The following PTER variants were observed in gnomAD, a reference collection of about 807,000 sequenced individuals.
PTER encodes the protein N-acetyltaurine hydrolase.
PTER carries 38 observed loss-of-function variants against 29.6 expected under a neutral mutation model. The ratio of observed to expected loss-of-function variants is 1.28; its 90% CI spans 0.99 to 1.68. The LOEUF (loss-of-function observed/expected upper bound fraction) is 1.68, where lower values mean the gene tolerates loss of function less well. PTER is among the 40% of genes most tolerant of loss of function. The probability of loss-of-function intolerance (pLI) is 0.00; values close to 1 mark genes in which losing one functional copy is unlikely to be tolerated. For synonymous variants in PTER, 172 were observed against 154.5 expected (o/e 1.11, Z -0.84); for missense variants, 482 against 427.8 (o/e 1.13, Z -1.12).
At position 16,512,840 on chromosome 10, in the gene PTER, T is replaced by A. The variant is rs1022148755; in HGVS notation, c.*1584T>A. On this transcript the variant is annotated 3_prime_UTR_variant, in exon 5 of 5. Coordinates refer to ENST00000535784, the MANE Select transcript of PTER (RefSeq NM_001261836.2). Reference sequence around the variant, plus strand: ...CAATGAAAGGGGAACAGATTTTTCATTGTAATAGTGGAAGTTGTGTGATAG... The same window carrying A: ...CAATGAAAGGGGAACAGATTTTTCAATGTAATAGTGGAAGTTGTGTGATAG... 1 of 152,580 alleles carries A rather than the reference T, an allele frequency of 6.6e-6. No homozygotes were observed. Among genetic ancestry groups the A allele is most frequent in the East Asian group, 1.9e-4 (1 of 5,198 alleles). 9.5% of individuals were successfully genotyped at this position (152,580 alleles called of 1,614,324 possible). A position where few individuals can be genotyped will look rare whatever the true frequency, so the allele number is the denominator to read the frequency against.
At chr10:16,517,573 G>A (rs558978917), downstream of PTER, among the ~76,000 whole-genome samples, 14 of 152,240 alleles carry the variant, frequency 9.2e-5, no homozygotes, top group African/African-American at 2.2e-4. Flanking sequence ...CTTTCCAAAT[G>A]TAAAGCTATT....
Position 16,511,118 on chromosome 10 carries a change from G to T in PTER, c.912G>T (p.Arg304=), listed in dbSNP as rs1836793566. ...LVAHDIHTKT[R]LMKYGGHGYS... is the part of the protein sequence containing the mutation. ...CACATGACATACATACGAAAACCCG[G>T]CTGATGAAATATGGAGGTCACGGCT... Residue 304 remains arginine, a synonymous_variant, in exon 5 of 5, where the codon CGG becomes CGT. Transcript: ENST00000535784. 1 of 1,613,992 alleles carries T rather than the reference G, an allele frequency of 6.2e-7. No homozygotes were observed. The highest frequency in any genetic ancestry group is 1.3e-5 in the African/African-American group (1 of 74,906).
Position 16,511,410 on chromosome 10 carries a change from C to T in PTER, c.*154C>T. ...TAGGAGGGTTTGCCTTCTCTGAGAC[C>T]AGCTATTACAACTGTGCCTCTAGGG... On this transcript the variant is annotated 3_prime_UTR_variant, in exon 5 of 5. Transcript: ENST00000535784. 2.9e-6 allele frequency: 2 copies of T among 679,472 alleles called. No individual in the cohort carries two copies. The highest frequency in any genetic ancestry group is 2.7e-5 in the East Asian group (1 of 36,904). 42.1% of individuals were successfully genotyped at this position (679,472 alleles called of 1,614,324 possible).
At chr10:16,469,743 T>G (rs1255645916) in intron 1 of PTER, among the ~76,000 whole-genome samples, 1 of 152,000 alleles carries the variant, frequency 6.6e-6, no homozygotes, top group East Asian at 1.9e-4. Flanking sequence ...GCTGACTAAT[T>G]TTGGGATTTG....
In PTER at chr10:16,486,629, G is replaced by T; in HGVS notation, c.698+12G>T. The T allele has an allele frequency of 6.3e-6, 10 of 1,596,242 alleles. No individual in the cohort carries two copies. The highest frequency in any genetic ancestry group is 8.5e-6 in the Non-Finnish European group (10 of 1,169,972). On this transcript the variant is annotated intron_variant, in intron 3 of 4. Coordinates refer to ENST00000535784, the MANE Select transcript of PTER (RefSeq NM_001261836.2). The stretch of plus-strand genomic sequence containing the variant: ...TCACACCTGGATAGGTAAGTAGGCT[G>T]TCTTACAAATGGATGCAAACTGCCA...
At chr10:16,466,300 C>CT (rs11308230) in intron 1 of PTER, among the ~76,000 whole-genome samples, 309 of 146,424 alleles carry the variant, frequency 2.1e-3, no homozygotes, top group African/African-American at 4.4e-3. Flanking sequence ...TTATAACTAC[C>CT]TTTTTTTTTT....
At chr10:16,496,903 C>G (rs1272737095) in intron 3 of PTER, among the ~76,000 whole-genome samples, 2 of 151,482 alleles carry the variant, frequency 1.3e-5, no homozygotes, top group African/African-American at 4.9e-5. Context: ...AGCAAGCTCC[C>G]TTTTTGCCTC....
At chr10:16,497,093 C>T (rs1836139614) in intron 3 of PTER, among the ~76,000 whole-genome samples, 1 of 152,126 alleles carries the variant, frequency 6.6e-6, no homozygotes, top group African/African-American at 2.4e-5. Flanking sequence ...TGCCACCATG[C>T]CTGGCTAATT....
chr10:16,439,913 G>C (rs981937848), intron 1 of PTER, among the ~76,000 whole-genome samples: 4 of 152,044 alleles, frequency 2.6e-5, no homozygotes, highest in African/African-American at 7.2e-5. Context: ...ATAATATTGA[G>C]AATTTCTGAT....
chr10:16,477,867 C>T (rs576749811), intron 1 of PTER, among the ~76,000 whole-genome samples: 1 of 152,182 alleles, frequency 6.6e-6, no homozygotes, highest in East Asian at 1.9e-4. Context: ...CTTTACTGAT[C>T]AAATACAGCT....
intron 3 of PTER, among the ~76,000 whole-genome samples, chr10:16,502,324 T>C (rs1042743374): frequency 6.6e-6 from 1 of 152,238 alleles, no homozygotes; most frequent in Non-Finnish European, 1.5e-5. Context: ...TTTGTTTTTT[T>C]CAAGTATGGT....
intron 1 of PTER, among the ~76,000 whole-genome samples, chr10:16,460,810 G>A (rs531593811): frequency 5.3e-5 from 8 of 151,968 alleles, no homozygotes; most frequent in East Asian, 1.9e-4. Flanking sequence ...TCTACCTCCC[G>A]GGTTCAAGAG....
At position 16,443,603 on chromosome 10, in the gene PTER, A is replaced by T. The variant is rs551822188; in HGVS notation, c.-49+6556A>T. On this transcript the variant is annotated intron_variant, in intron 1 of 4. Transcript: ENST00000535784. ...AGGAGAGCTTAATGCTCGTGACTTT[A>T]AACATTTATGTAATTAGGTAAAAAG... 6.7e-4 allele frequency among the ~76,000 whole-genome samples: 102 copies of T among 152,346 alleles called. 1 individual carries two copies. The highest frequency in any genetic ancestry group is 2.3e-3 in the African/African-American group (94 of 41,584).
At chr10:16,498,460 G>T (rs1475848582) in intron 3 of PTER, among the ~76,000 whole-genome samples, 1 of 152,126 alleles carries the variant, frequency 6.6e-6, no homozygotes, top group East Asian at 1.9e-4. Context: ...GTGGGCACTT[G>T]TAATCCCAGC....
intron 3 of PTER, among the ~76,000 whole-genome samples, chr10:16,496,791 T>G (rs1836119951): frequency 6.6e-6 from 1 of 152,182 alleles, no homozygotes; most frequent in South Asian, 2.1e-4. Context: ...ATCAACAATT[T>G]CTTGTTAAAT....
chr10:16,502,323 T>C (rs1588629476), intron 3 of PTER, among the ~76,000 whole-genome samples: 1 of 152,346 alleles, frequency 6.6e-6, no homozygotes, highest in East Asian at 1.9e-4. Context: ...TTTTGTTTTT[T>C]TCAAGTATGG....
intron 1 of PTER, among the ~76,000 whole-genome samples, chr10:16,447,238 C>T (rs566869330): frequency 7.5e-4 from 113 of 151,066 alleles, no homozygotes; most frequent in Non-Finnish European, 1.0e-3. Flanking sequence ...ATAGCTGAGA[C>T]GACAGGCACA....
At chr10:16,505,687 G>A (rs1385463370) in intron 4 of PTER, among the ~76,000 whole-genome samples, 1 of 152,188 alleles carries the variant, frequency 6.6e-6, no homozygotes, top group Admixed American at 6.5e-5. Flanking sequence ...GCAGATAATT[G>A]TAGGAGTCAT....
intron 3 of PTER, among the ~76,000 whole-genome samples, chr10:16,499,428 TTTTA>T (rs144839001): frequency 1.3e-5 from 2 of 151,256 alleles, no homozygotes; most frequent in African/African-American, 4.9e-5. Context: ...AATTTAATTA[TTTTA>T]TTTATTTATT....
Sources: gnomAD v4.1 joint callset for allele counts (sites outside exome capture counted in the v4.1 genomes callset) on GRCh38, gnomAD v4.1.1 for gene constraint, MANE v1.5 for transcripts, NCBI Gene and HGNC (gene_info 2026-07-23, HGNC 2026-07-21) for gene names.